Variants in GNG7 observed in about 807,000 individuals in gnomAD.
The protein encoded by GNG7 is guanine nucleotide-binding protein G(I)/G(S)/G(O) subunit gamma-7.
In GNG7, 1 loss-of-function variant was observed where a neutral mutation model predicts 4.0. That is an observed-to-expected ratio of 0.25 (90% confidence interval 0.09 to 1.18). GNG7 has a LOEUF of 1.18. Ranked by LOEUF, GNG7 falls within the 50% of genes most tolerant of loss-of-function variation. GNG7 has a pLI of 0.50. For missense variants in GNG7, 86 were observed against 91.9 expected, an observed-to-expected ratio of 0.94 and a Z score of 0.26; for synonymous variants, 34 against 36.9, an observed-to-expected ratio of 0.92 and a Z score of 0.29.
intron 3 of GNG7, among the ~76,000 whole-genome samples, chr19:2,535,782 T>G (rs77723888): frequency 0.025 from 3,770 of 152,262 alleles, 148 homozygotes; most frequent in Admixed American, 0.068. Flanking sequence ...ATGGGCTGTT[T>G]GTTGCAGACT....
At chr19:2,559,395 A>T (rs555855754) in intron 2 of GNG7, among the ~76,000 whole-genome samples, 1 of 141,812 alleles carries the variant, frequency 7.1e-6, no homozygotes, top group African/African-American at 2.7e-5. Flanking sequence ...TCTGTTGCCC[A>T]GGCTGGAGTG....
intron 2 of GNG7, among the ~76,000 whole-genome samples, chr19:2,590,853 C>CCACCCATCCATT (rs2144801196): frequency 6.6e-6 from 1 of 151,462 alleles, no homozygotes; most frequent in South Asian, 2.1e-4. Flanking sequence ...ATCCATCCAC[C>CCACCCATCCATT]CACCCATCCA....
At chr19:2,666,934 T>A (rs1051818392) in intron 1 of GNG7, among the ~76,000 whole-genome samples, 4 of 152,188 alleles carry the variant, frequency 2.6e-5, no homozygotes, top group South Asian at 4.1e-4. Flanking sequence ...CAGTCTTCCA[T>A]CCTGAAATTA....
At chr19:2,645,929 A>G (rs1982653247) in intron 2 of GNG7, among the ~76,000 whole-genome samples, 1 of 152,160 alleles carries the variant, frequency 6.6e-6, no homozygotes, top group Non-Finnish European at 1.5e-5. Flanking sequence ...AGACACCGGA[A>G]AGGCATGCAG....
chr19:2,566,968 G>A (rs555188229), intron 2 of GNG7, among the ~76,000 whole-genome samples: 88 of 152,044 alleles, frequency 5.8e-4, no homozygotes, highest in African/African-American at 2.0e-3. Flanking sequence ...AGCCGGGCGC[G>A]GTGGCGGGCG....
At position 2,554,377 on chromosome 19, in the gene GNG7, T is replaced by C. The variant is rs570643633; in HGVS notation, c.-38+772A>G. ...TATTTTTTAAGAGACCGGGTCTCAC[T>C]CTGTCACCTAGGCTGGAGTACAGTG... On this transcript the variant is annotated intron_variant, in intron 3 of 4. Coordinates refer to ENST00000382159, the MANE Select transcript of GNG7 (RefSeq NM_052847.3). 4.4e-4 allele frequency among the ~76,000 whole-genome samples: 65 copies of C among 148,798 alleles called. 1 individual carries two copies. The highest frequency in any genetic ancestry group is 1.6e-3 in the African/African-American group (64 of 40,840).
At chr19:2,627,707 G>A (rs543318437) in intron 2 of GNG7, among the ~76,000 whole-genome samples, 5 of 152,284 alleles carry the variant, frequency 3.3e-5, no homozygotes, top group Middle Eastern at 3.4e-3. Context: ...GATCAGCTCC[G>A]ACCTCAACAC....
chr19:2,663,824 A>G (rs1236415811), intron 1 of GNG7, among the ~76,000 whole-genome samples: 2 of 152,150 alleles, frequency 1.3e-5, no homozygotes, highest in African/African-American at 2.4e-5. Flanking sequence ...TACTAAAGCA[A>G]CGTGGCTTGA....
intron 2 of GNG7, among the ~76,000 whole-genome samples, chr19:2,579,560 TGGTAACAAGA>T (rs1021771686): frequency 1.3e-5 from 2 of 152,154 alleles, no homozygotes; most frequent in Non-Finnish European, 2.9e-5. Context: ...CAAGTGTTTA[TGGTAACAAGA>T]GGAGGGAGGA....
intron 2 of GNG7, among the ~76,000 whole-genome samples, chr19:2,563,111 AT>A (rs1027230191): frequency 6.1e-5 from 9 of 148,264 alleles, no homozygotes; most frequent in East Asian, 4.0e-4. Context: ...CGCCCAGCTA[AT>A]TTTTTTTTTG....
intron 2 of GNG7, among the ~76,000 whole-genome samples, chr19:2,640,564 C>T (rs544414081): frequency 1.3e-5 from 2 of 152,182 alleles, no homozygotes; most frequent in South Asian, 2.1e-4. Context: ...TGAGGCCCAT[C>T]GGTGCTGGGC....
At chr19:2,569,336 C>T (rs1405012271) in intron 2 of GNG7, among the ~76,000 whole-genome samples, 5 of 152,060 alleles carry the variant, frequency 3.3e-5, no homozygotes, top group East Asian at 1.9e-4. Context: ...AGTGCAGTGG[C>T]GCGATCTCGG....
In GNG7 at chr19:2,660,594, A is replaced by C. The variant is rs571280544; in HGVS notation, c.-134-14314T>G. Among the ~76,000 whole-genome samples, 565 of 130,540 alleles carry C rather than the reference A, an allele frequency of 4.3e-3. 1 individual carries two copies. Among genetic ancestry groups the C allele is most frequent in the African/African-American group, 0.018 (493 of 27,952 alleles). The allele number at this position is 130,540 out of a possible 152,430, so 85.6% of individuals were successfully genotyped here. A position where few individuals can be genotyped will look rare whatever the true frequency, so the allele number is the denominator to read the frequency against. On this transcript the variant is annotated intron_variant, in intron 1 of 4. Coordinates refer to ENST00000382159, the MANE Select transcript of GNG7 (RefSeq NM_052847.3). ...ACCAGCCTGGGCAACATAGTGAGAC[A>C]CCCCCACCACCAACACCCCACCACC...
At chr19:2,698,020 A>ATGAG (rs1467771012) in intron 1 of GNG7, among the ~76,000 whole-genome samples, 1 of 151,848 alleles carries the variant, frequency 6.6e-6, no homozygotes, top group African/African-American at 2.4e-5. Context: ...TAATCCCAGC[A>ATGAG]CTTTGGGAGG....
chr19:2,521,836 A>C (rs1978310602), intron 3 of GNG7, among the ~76,000 whole-genome samples: 1 of 150,134 alleles, frequency 6.7e-6, no homozygotes, highest in African/African-American at 2.5e-5. Flanking sequence ...CTGGTCTTGA[A>C]CTCCTGACCT....
At chr19:2,570,199 G>C (rs1160461452) in intron 2 of GNG7, among the ~76,000 whole-genome samples, 1 of 152,080 alleles carries the variant, frequency 6.6e-6, no homozygotes, top group Admixed American at 6.6e-5. Flanking sequence ...TGAGATGCCC[G>C]TTCCCCCTTC....
At chr19:2,553,126 A>C (rs1463531157) in intron 3 of GNG7, among the ~76,000 whole-genome samples, 4 of 41,192 alleles carry the variant, frequency 9.7e-5, no homozygotes, top group African/African-American at 3.0e-4. Flanking sequence ...AAGCAAAACC[A>C]AAAAAAAAAA....
intron 3 of GNG7, among the ~76,000 whole-genome samples, chr19:2,522,675 C>G (rs12983090): frequency 1.3e-4 from 19 of 140,974 alleles, no homozygotes; most frequent in Non-Finnish European, 2.7e-4. Context: ...TGGGGTGAAC[C>G]CGGAAGGCGG....
chr19:2,669,441 G>A (rs1983394395), intron 1 of GNG7, among the ~76,000 whole-genome samples: 1 of 152,158 alleles, frequency 6.6e-6, no homozygotes, highest in Admixed American at 6.5e-5. Context: ...AGTGAGCCGG[G>A]ATCGTGCCAC....
Sources: gnomAD v4.1 joint callset for allele counts (sites outside exome capture counted in the v4.1 genomes callset) on GRCh38, gnomAD v4.1.1 for gene constraint, MANE v1.5 for transcripts, NCBI Gene and HGNC (gene_info 2026-07-23, HGNC 2026-07-21) for gene names.